GREB1L: variants seen among roughly 807,000 people sequenced by gnomAD.
GREB1L encodes GREB1-like protein.
A neutral mutation model predicts 200.8 loss-of-function variants in GREB1L; 17 were observed. That is an observed-to-expected ratio of 0.08 (90% confidence interval 0.06 to 0.13). The LOEUF (loss-of-function observed/expected upper bound fraction) is 0.13, where lower values mean the gene tolerates loss of function less well. Among genes scored for constraint, GREB1L ranks in the 10% least tolerant of loss-of-function variants. GREB1L has a pLI of 1.00. For synonymous variants in GREB1L, 789 were observed against 893.0 expected, an observed-to-expected ratio of 0.88 and a Z score of 2.08; for missense variants, 1,657 against 2,367.7, an observed-to-expected ratio of 0.70 and a Z score of 6.23.
rs1233126943 is a variant in GREB1L, at chr18:21,473,065, G to A, written c.2217G>A (p.Gly739=). The change falls in exon 16 of 33, where the codon GGG becomes GGA. Residue 739 remains glycine (G), a synonymous_variant. Transcript: ENST00000424526. ...VLVDLGLEEN[G]TAHQRAEKYV... ...TAGACTTGGGTCTGGAGGAAAATGG[G>A]ACAGCCCATCAGAGAGCAGAAAAAT... The A allele has an allele frequency of 1.3e-6, 2 of 1,546,250 alleles. No homozygotes were observed. Among genetic ancestry groups the A allele is most frequent in the Non-Finnish European group, 8.7e-7 (1 of 1,144,638 alleles).
intron 7 of GREB1L, among the ~76,000 whole-genome samples, chr18:21,418,922 T>C (rs1387017419): frequency 1.3e-5 from 2 of 152,220 alleles, no homozygotes; most frequent in Non-Finnish European, 2.9e-5. Context: ...ATAATGATGT[T>C]TGGTCAGTGA....
intron 2 of GREB1L, among the ~76,000 whole-genome samples, chr18:21,371,647 C>T (rs1473000669): frequency 2.6e-5 from 4 of 151,424 alleles, no homozygotes; most frequent in Non-Finnish European, 4.4e-5. Flanking sequence ...ATTAGCCGGG[C>T]GTGGCGGGCG....
At chr18:21,480,695 T>C (rs899210825) in intron 17 of GREB1L, among the ~76,000 whole-genome samples, 5 of 152,182 alleles carry the variant, frequency 3.3e-5, no homozygotes, top group African/African-American at 1.2e-4. Context: ...CTTGTGGACT[T>C]GTGTTGAATC....
intron 16 of GREB1L, among the ~76,000 whole-genome samples, chr18:21,476,717 C>T (rs1411983299): frequency 6.6e-6 from 1 of 151,284 alleles, no homozygotes; most frequent in African/African-American, 2.4e-5. Flanking sequence ...TACAGGCACA[C>T]ACCGCCACAC....
intron 17 of GREB1L, among the ~76,000 whole-genome samples, chr18:21,480,076 C>T (rs1368580472): frequency 5.9e-5 from 9 of 152,138 alleles, no homozygotes; most frequent in East Asian, 3.9e-4. Flanking sequence ...TTTGGCTAGG[C>T]GCGGTGGCTC....
rs141978075 is a variant in GREB1L, at chr18:21,282,057, G to A, written c.-120+39664G>A. Among the ~76,000 whole-genome samples, 738 of 152,160 alleles carry A rather than the reference G, an allele frequency of 4.9e-3. 1 individual carries two copies. Among genetic ancestry groups the A allele is most frequent in the Middle Eastern group, 0.014 (4 of 294 alleles). ...GGAGGCCAAGGCAGGAGGATCACTC[G>A]AGCCTAAGAATTTGAGACCAGCCTG... On this transcript the variant is annotated intron_variant, in intron 1 of 32. Transcript: ENST00000424526.
chr18:21,457,973 T>TG (rs976379214), intron 15 of GREB1L, among the ~76,000 whole-genome samples: 5 of 150,686 alleles, frequency 3.3e-5, no homozygotes, highest in African/African-American at 4.9e-5. Flanking sequence ...AGTTTTTTTT[T>TG]TTTTTTTTTT....
chr18:21,251,616 G>T (rs1481656239), intron 1 of GREB1L, among the ~76,000 whole-genome samples: 1 of 152,110 alleles, frequency 6.6e-6, no homozygotes, highest in Non-Finnish European at 1.5e-5. Flanking sequence ...ACATATGATA[G>T]ATTGGGGAAA....
intron 2 of GREB1L, among the ~76,000 whole-genome samples, chr18:21,367,112 G>C (rs1035747895): frequency 7.2e-5 from 11 of 152,182 alleles, no homozygotes; most frequent in African/African-American, 2.7e-4. Context: ...ACAGCTGAGT[G>C]GGGTCAGTGA....
chr18:21,448,002 A>C lies in GREB1L; in HGVS notation c.1394-1508A>C, dbSNP rs1346698068. 2.0e-5 allele frequency among the ~76,000 whole-genome samples: 3 copies of C among 152,044 alleles called. No homozygotes were observed. In the East Asian group the frequency reaches 5.8e-4, roughly 29 times the overall value. On this transcript the variant is annotated intron_variant, in intron 11 of 32. Transcript: ENST00000424526. ...ACATGGTGAAACCCCATCTCTATCA[A>C]AAATACAAAAATTAGCCAGGCATGT...
intron 7 of GREB1L, among the ~76,000 whole-genome samples, chr18:21,405,160 C>T (rs2030029678): frequency 1.3e-5 from 2 of 152,154 alleles, no homozygotes; most frequent in African/African-American, 4.8e-5. Context: ...TAGATAGAGG[C>T]TCTGATCTAA....
chr18:21,299,208 G>C (rs555063498), intron 1 of GREB1L, among the ~76,000 whole-genome samples: 2 of 151,686 alleles, frequency 1.3e-5, no homozygotes, highest in African/African-American at 4.8e-5. Context: ...AACCCTGGAG[G>C]CGGAGGTTGC....
chr18:21,460,816 G>A (rs999816963), intron 15 of GREB1L, among the ~76,000 whole-genome samples: 3 of 151,790 alleles, frequency 2.0e-5, no homozygotes, highest in Non-Finnish European at 2.9e-5. Context: ...TTGCCTCTAG[G>A]CCAGGCATGG....
intron 1 of GREB1L, among the ~76,000 whole-genome samples, chr18:21,361,422 A>C (rs1333172816): frequency 6.6e-6 from 1 of 152,124 alleles, no homozygotes; most frequent in Non-Finnish European, 1.5e-5. Flanking sequence ...ATTGTTTCTA[A>C]GGTATTGCAG....
Position 21,384,397 on chromosome 18 carries a change from A to G in GREB1L, c.349A>G (p.Thr117Ala), listed in dbSNP as rs1427337338. The change falls in exon 4 of 33, where the codon ACA becomes GCA. Residue 117 changes from threonine (T) to alanine (A), a missense_variant. Thr to Ala is a moderately conservative substitution (Grantham distance 58, BLOSUM62 0). Transcript: ENST00000424526. ...QKPAPEGSCTTDGFCQAGKDL... is the reference protein window; with the variant it reads ...QKPAPEGSCTADGFCQAGKDL... ...ACCTGCCCCAGAAGGATCTTGCACT[A>G]CAGATGGTGGGTTTCAGTTGTGTTT... The G allele has an allele frequency of 1.3e-6, 2 of 1,546,244 alleles. No individual in the cohort carries two copies. The highest frequency in any genetic ancestry group is 1.7e-6 in the Non-Finnish European group (2 of 1,145,282).
intron 5 of GREB1L, among the ~76,000 whole-genome samples, chr18:21,400,174 A>T (rs1476516447): frequency 6.6e-6 from 1 of 151,270 alleles, no homozygotes; most frequent in East Asian, 1.9e-4. Context: ...TGTCTGCTTT[A>T]CTCTGTGTAT....
At chr18:21,310,076 G>C (rs548036776) in intron 1 of GREB1L, among the ~76,000 whole-genome samples, 1 of 152,278 alleles carries the variant, frequency 6.6e-6, no homozygotes, top group East Asian at 1.9e-4. Context: ...AATGTGGCTA[G>C]GGCAACTGAG....
chr18:21,401,956 A>AT (rs33925286), intron 6 of GREB1L: 1 of 151,914 alleles, frequency 6.6e-6, no homozygotes, highest in Non-Finnish European at 1.5e-5. Flanking sequence ...AGGTGCTGAG[A>AT]TTTTTTTCTC....
At chr18:21,448,497 G>T (rs540855944) in intron 11 of GREB1L, among the ~76,000 whole-genome samples, 1 of 152,280 alleles carries the variant, frequency 6.6e-6, no homozygotes, top group Non-Finnish European at 1.5e-5. Context: ...CATTTGTGGT[G>T]CCTCCTTCTC....
Sources: gnomAD v4.1 joint callset for allele counts (sites outside exome capture counted in the v4.1 genomes callset) on GRCh38, gnomAD v4.1.1 for gene constraint, MANE v1.5 for transcripts, NCBI Gene and HGNC (gene_info 2026-07-23, HGNC 2026-07-21) for gene names.